The following MYT1L variants were observed in gnomAD, a reference collection of about 807,000 sequenced individuals.
MYT1L encodes myelin transcription factor 1-like protein.
A neutral mutation model predicts 126.7 loss-of-function variants in MYT1L; 12 were observed. The ratio of observed to expected loss-of-function variants is 0.09; its 90% confidence interval spans 0.06 to 0.15. The LOEUF (loss-of-function observed/expected upper bound fraction) is 0.15, where lower values mean the gene tolerates loss of function less well. MYT1L is among the 10% of genes least tolerant of loss of function. The pLI is 1.00. For synonymous variants in MYT1L, 541 were observed against 604.2 expected (o/e 0.90, Z 1.53); for missense variants, 979 against 1,585.2 (o/e 0.62, Z 6.49).
At chr2:2,184,606 C>G (rs1201121867) in intron 2 of MYT1L, among the ~76,000 whole-genome samples, 1 of 152,190 alleles carries the variant, frequency 6.6e-6, no homozygotes, top group African/African-American at 2.4e-5. Flanking sequence ...CCAACCTCCT[C>G]TGTCCAAACA....
intron 1 of MYT1L, chr2:2,326,912 G>A (rs371726471): frequency 3.0e-4 from 45 of 152,040 alleles, no homozygotes; most frequent in African/African-American, 1.1e-3. Context: ...AGACAAACAG[G>A]GACCAAGTTA....
chr2:2,053,612 A>C (rs2069111971), intron 4 of MYT1L, among the ~76,000 whole-genome samples: 1 of 152,114 alleles, frequency 6.6e-6, no homozygotes, highest in African/African-American at 2.4e-5. Context: ...AAATATCCCA[A>C]AATAGAACTA....
At chr2:2,050,386 G>GA (rs2068695789) in intron 4 of MYT1L, among the ~76,000 whole-genome samples, 1 of 152,132 alleles carries the variant, frequency 6.6e-6, no homozygotes, top group African/African-American at 2.4e-5. Flanking sequence ...AATTCATGTA[G>GA]TTTTTCGGGA....
intron 8 of MYT1L, among the ~76,000 whole-genome samples, chr2:1,955,122 AACAG>A (rs1199842105): frequency 1.3e-5 from 2 of 149,278 alleles, no homozygotes; most frequent in Non-Finnish European, 3.0e-5. Context: ...CAGCTTGGGC[AACAG>A]ACAGAGAGTC....
At chr2:1,881,980 A>G (rs2047617631) in intron 18 of MYT1L, among the ~76,000 whole-genome samples, 1 of 152,148 alleles carries the variant, frequency 6.6e-6, no homozygotes, top group Admixed American at 6.5e-5. Context: ...CTTCTGAGAC[A>G]GGCTTTGTCC....
At chr2:1,831,219 C>A (rs116372160) in intron 21 of MYT1L, among the ~76,000 whole-genome samples, 1 of 149,690 alleles carries the variant, frequency 6.7e-6, no homozygotes, top group Admixed American at 6.6e-5. Context: ...CCTGGCTCCC[C>A]CCAGATGGAG....
At position 2,111,829 on chromosome 2, in the gene MYT1L, G is replaced by T. The variant is rs557110924; in HGVS notation, c.-303-57706C>A. 3.0e-3 allele frequency among the ~76,000 whole-genome samples: 455 copies of T among 152,352 alleles called. 1 individual carries two copies. Among genetic ancestry groups the T allele is most frequent in the Non-Finnish European group, 4.6e-3 (313 of 68,026 alleles). ...TGGGTGTTGAAAGTCGAGCCTGGGG[G>T]TCCTCCTGGGGGTCCTGGCCTGTGC... is the stretch of plus-strand genomic sequence containing the variant. On this transcript the variant is annotated intron_variant, in intron 3 of 24. Coordinates refer to ENST00000647738, the MANE Select transcript of MYT1L (RefSeq NM_001303052.2).
intron 3 of MYT1L, among the ~76,000 whole-genome samples, chr2:2,102,860 T>A (rs1338223792): frequency 6.6e-6 from 1 of 151,978 alleles, no homozygotes; most frequent in Non-Finnish European, 1.5e-5. Flanking sequence ...AGTAGAATAT[T>A]GATCTATATA....
chr2:1,979,889 C>A lies in MYT1L; in HGVS notation c.1-112G>T. On this transcript the variant is annotated intron_variant, in intron 5 of 24. Transcript: ENST00000647738. This position sits in a 1 kb window ranked among gnomAD's most constrained non-coding sequence, Gnocchi z 4.0. ...ATTAATGGGGCTTTAATCCTGTTTC[C>A]CTCCATGAAGGGAAGCCCTCTACAA... 1 of 1,123,408 alleles carries A rather than the reference C, an allele frequency of 8.9e-7. No individual in the cohort carries two copies. Among genetic ancestry groups the A allele is most frequent in the Non-Finnish European group, 1.3e-6 (1 of 761,688 alleles). 69.6% of individuals were successfully genotyped at this position (1,123,408 alleles called of 1,614,324 possible).
chr2:1,878,709 C>T (rs758166052), intron 18 of MYT1L, among the ~76,000 whole-genome samples: 1 of 152,302 alleles, frequency 6.6e-6, no homozygotes, highest in South Asian at 2.1e-4. Flanking sequence ...AAAGCTCCAT[C>T]GGGCATTTCA....
chr2:1,964,526 G>T (rs900237523), intron 8 of MYT1L, among the ~76,000 whole-genome samples: 4 of 152,090 alleles, frequency 2.6e-5, no homozygotes, highest in African/African-American at 9.7e-5. Flanking sequence ...CTGTAATGGC[G>T]AAAGTTGCTC....
chr2:2,187,911 C>T (rs1020509780), intron 2 of MYT1L, among the ~76,000 whole-genome samples: 1 of 152,112 alleles, frequency 6.6e-6, no homozygotes, highest in African/African-American at 2.4e-5. Context: ...ATCCCTCTCT[C>T]TCCATATATA....
At chr2:2,324,575 A>G (rs1322140660) in intron 1 of MYT1L, 1 of 152,674 alleles carries the variant, frequency 6.5e-6, no homozygotes, top group Non-Finnish European at 1.5e-5. Context: ...ATAAGTTGAC[A>G]CCACTAAACG....
At chr2:2,010,686 A>G (rs945083775) in intron 4 of MYT1L, among the ~76,000 whole-genome samples, 2 of 152,136 alleles carry the variant, frequency 1.3e-5, no homozygotes, top group Non-Finnish European at 2.9e-5. Context: ...GGCTTTGTGA[A>G]CTTTAAGATT....
At chr2:2,329,625 G>A (rs552482358) in intron 1 of MYT1L, among the ~76,000 whole-genome samples, 70 of 152,226 alleles carry the variant, frequency 4.6e-4, no homozygotes, top group African/African-American at 1.7e-3. Flanking sequence ...CTGATTAAAA[G>A]CAGAAGGATT....
At chr2:2,117,758 T>G (rs1450970207) in intron 3 of MYT1L, among the ~76,000 whole-genome samples, 1 of 152,048 alleles carries the variant, frequency 6.6e-6, no homozygotes, top group Non-Finnish European at 1.5e-5. Context: ...GGAAACATAC[T>G]AGAAATAAGA....
intron 8 of MYT1L, among the ~76,000 whole-genome samples, chr2:1,968,429 T>G (rs1490039949): frequency 6.6e-6 from 1 of 152,144 alleles, no homozygotes; most frequent in Non-Finnish European, 1.5e-5. Context: ...CCTCCTCTCC[T>G]CCCTAGAGTT....
At chr2:2,175,916 C>T (rs569237034) in intron 2 of MYT1L, among the ~76,000 whole-genome samples, 1 of 152,314 alleles carries the variant, frequency 6.6e-6, no homozygotes, top group South Asian at 2.1e-4. Context: ...GCTCCTTGCT[C>T]GGGGGCTGGG....
At chr2:1,948,939 C>A (rs948027712) in intron 8 of MYT1L, among the ~76,000 whole-genome samples, 10 of 145,944 alleles carry the variant, frequency 6.9e-5, no homozygotes, top group African/African-American at 2.3e-4. Context: ...ATTTTTATAT[C>A]TTTAGGATAT....
Sources: gnomAD v4.1 joint callset for allele counts (sites outside exome capture counted in the v4.1 genomes callset) on GRCh38, gnomAD v4.1.1 for gene constraint, Gnocchi (gnomAD v3.1) non-coding constraint, MANE v1.5 for transcripts, NCBI Gene and HGNC (gene_info 2026-07-23, HGNC 2026-07-21) for gene names.